C12orf50: variants seen among roughly 807,000 people sequenced by gnomAD.
C12orf50 encodes zinc finger CCCH-type containing 11D.
In C12orf50, 35 loss-of-function variants were observed where a neutral mutation model predicts 61.6. The ratio of observed to expected loss-of-function variants is 0.57; its 90% CI spans 0.43 to 0.75. The LOEUF (loss-of-function observed/expected upper bound fraction) is 0.75. C12orf50 is among the 30% of genes least tolerant of loss of function. C12orf50 has a pLI of 0.00. For synonymous variants in C12orf50, 178 were observed against 161.5 expected, an observed-to-expected ratio of 1.10 and a Z score of -0.77; for missense variants, 475 against 488.5, an observed-to-expected ratio of 0.97 and a Z score of 0.26.
chr12:87,994,024 A>AC (rs1196770289), intron 7 of C12orf50, among the ~76,000 whole-genome samples: 4 of 152,010 alleles, frequency 2.6e-5, no homozygotes, highest in African/African-American at 9.7e-5. Context: ...ACATGGTGAA[A>AC]CCCCGTCTCT....
Position 87,996,654 on chromosome 12 carries a change from A to T in C12orf50, c.290-8T>A. Reference sequence around the variant, plus strand: ...TCCATAAACTAGAAGCATCTATAGGATATAGATTTTTTAAATTAAATTGTC... The same window carrying T: ...TCCATAAACTAGAAGCATCTATAGGTTATAGATTTTTTAAATTAAATTGTC... On this transcript the variant is annotated splice_region_variant and splice_polypyrimidine_tract_variant and intron_variant, in intron 4 of 12. Coordinates refer to ENST00000298699, the MANE Select transcript of C12orf50 (RefSeq NM_152589.3). 6.4e-7 allele frequency: 1 copy of T among 1,569,896 alleles called. No homozygotes were observed. Among genetic ancestry groups the T allele is most frequent in the Non-Finnish European group, 8.7e-7 (1 of 1,152,314 alleles).
chr12:87,983,391 T>TC, intron 11 of C12orf50, 196 bp from the exon 12 acceptor site: 1 of 343,742 alleles, frequency 2.9e-6, no homozygotes, highest in African/African-American at 2.5e-5. Flanking sequence ...TTTTTTTTTG[T>TC]TTTTTTTATT....
chr12:88,023,530 T>C (rs1251673978), intron 3 of C12orf50, among the ~76,000 whole-genome samples: 1 of 149,480 alleles, frequency 6.7e-6, no homozygotes, highest in Non-Finnish European at 1.5e-5. Flanking sequence ...TAGCCTGGCA[T>C]GGTGGCACGT....
chr12:87,990,616 T>A (rs2031073176), intron 7 of C12orf50, among the ~76,000 whole-genome samples: 1 of 152,142 alleles, frequency 6.6e-6, no homozygotes, highest in African/African-American at 2.4e-5. Flanking sequence ...TATGTTCACA[T>A]TCACCCTGGC....
chr12:88,030,131 TA>T, upstream of C12orf50: 1 of 165,372 alleles, frequency 6.0e-6, no homozygotes, highest in East Asian at 1.6e-4. Context: ...ATGCTGCTGA[TA>T]AAAGCATACC....
chr12:88,029,049 C>T lies in C12orf50; in HGVS notation c.-109+291G>A, dbSNP rs779790245. The T allele has an allele frequency of 1.2e-5, 15 of 1,244,744 alleles. No homozygotes were observed. In the South Asian group the frequency reaches 1.6e-4, roughly 13 times the overall value. The allele number at this position is 1,244,744 out of a possible 1,614,324, so 77.1% of individuals were successfully genotyped here. On this transcript the variant is annotated intron_variant, in intron 1 of 12. Coordinates refer to ENST00000298699, the MANE Select transcript of C12orf50 (RefSeq NM_152589.3). ...AAAGATTAAGCATGTGAAGTACTGT[C>T]AATTGTACAATATTTACCTTTATGC...
In C12orf50 at chr12:87,998,187, A is replaced by G. The variant is rs1229135081; in HGVS notation, c.137T>C (p.Ile46Thr). The change falls in exon 4 of 13, where the codon ATC becomes ACC. Residue 46 changes from isoleucine (I) to threonine (T), a missense_variant. By Grantham distance (89) the Ile-to-Thr change is moderately conservative (BLOSUM62 -1). Coordinates refer to ENST00000298699, the MANE Select transcript of C12orf50 (RefSeq NM_152589.3). The part of the protein sequence containing the change: ...NGLFLPPSSN[I>T]TLQKEIQEGI... The stretch of plus-strand genomic sequence containing the variant: ...TTCCTGAATTTCTTTCTGTAGTGTG[A>G]TATCTGCAGAGAAAATGCAACATTT... The G allele has an allele frequency of 2.5e-6, 4 of 1,610,354 alleles. No homozygotes were observed. Among genetic ancestry groups the G allele is most frequent in the South Asian group, 2.2e-5 (2 of 90,536 alleles).
At chr12:88,029,051 A>ATTT in intron 1 of C12orf50, 1 of 1,249,794 alleles carries the variant, frequency 8.0e-7, no homozygotes, top group Non-Finnish European at 1.0e-6. Flanking sequence ...AGTACTGTCA[A>ATTT]TTGTACAATA....
At chr12:88,000,067 T>C (rs2031588955) in intron 3 of C12orf50, among the ~76,000 whole-genome samples, 1 of 152,104 alleles carries the variant, frequency 6.6e-6, no homozygotes, top group Non-Finnish European at 1.5e-5. Flanking sequence ...TGTGAGTTTG[T>C]TTTTTGGAGT....
intron 3 of C12orf50, among the ~76,000 whole-genome samples, chr12:88,011,693 A>C (rs575563764): frequency 3.0e-4 from 46 of 152,288 alleles, no homozygotes; most frequent in African/African-American, 1.1e-3. Flanking sequence ...ATATTTGCCT[A>C]TTCTGCTTCC....
At chr12:88,005,792 C>A (rs565703325) in intron 3 of C12orf50, among the ~76,000 whole-genome samples, 7 of 151,444 alleles carry the variant, frequency 4.6e-5, no homozygotes, top group Non-Finnish European at 8.8e-5. Context: ...CCAGTAGTTA[C>A]CTGCAAGGTG....
At chr12:88,029,085 A>T (rs1430385520) in intron 1 of C12orf50, 2 of 1,286,344 alleles carry the variant, frequency 1.6e-6, no homozygotes, top group African/African-American at 3.0e-5. Flanking sequence ...ATGTGGAATT[A>T]AAAAAGAAAT....
At chr12:87,986,284 A>T in intron 10 of C12orf50, 28 bp downstream of exon 10, 1 of 1,453,732 alleles carries the variant, frequency 6.9e-7, no homozygotes. Flanking sequence ...ATTACAATTT[A>T]GAAATATCAA....
At chr12:87,980,661 G>A (rs1005845839) in intron 12 of C12orf50, among the ~76,000 whole-genome samples, 1 of 152,052 alleles carries the variant, frequency 6.6e-6, no homozygotes, top group Non-Finnish European at 1.5e-5. Flanking sequence ...ACCTTCACTC[G>A]CACCAGCAAT....
At chr12:87,982,265 G>C (rs2030521512) in intron 12 of C12orf50, among the ~76,000 whole-genome samples, 1 of 152,078 alleles carries the variant, frequency 6.6e-6, no homozygotes, top group African/African-American at 2.4e-5. Context: ...AAAGTTAAAA[G>C]AAAGTATGAT....
rs551955368 is a variant in C12orf50 at position 87,980,309 on chromosome 12, T to A, written c.*22A>T. ...GATGTCTGGCAATTTTTTCTCATTT[T>A]TCTCTCTCTCAACCTCCAGGTTTAC... is the stretch of plus-strand genomic sequence containing the variant. On this transcript the variant is annotated 3_prime_UTR_variant, in exon 13 of 13. Coordinates refer to ENST00000298699, the MANE Select transcript of C12orf50 (RefSeq NM_152589.3). 8.7e-6 allele frequency: 14 copies of A among 1,604,588 alleles called. No individual in the cohort carries two copies. Among genetic ancestry groups the A allele is most frequent in the Non-Finnish European group, 1.2e-5 (14 of 1,174,420 alleles).
rs552330714 is a variant in C12orf50 at position 88,000,580 on chromosome 12, G to C, written c.134-2390C>G. Among the ~76,000 whole-genome samples the C allele has an allele frequency of 1.2e-3, 175 of 151,372 alleles. 1 individual carries two copies. Among genetic ancestry groups the C allele is most frequent in the South Asian group, 4.6e-3 (22 of 4,790 alleles). On this transcript the variant is annotated intron_variant, in intron 3 of 12. Transcript: ENST00000298699. ...ATCAGCTTCTCAATTTCTGCAAATA[G>C]GTCCATTGGGATTTTGATAAATTCT...
intron 3 of C12orf50, among the ~76,000 whole-genome samples, chr12:88,023,086 A>G (rs1029510077): frequency 2.0e-5 from 3 of 152,230 alleles, no homozygotes; most frequent in Admixed American, 6.5e-5. Context: ...GGGAGGCATC[A>G]TGTTACCCAA....
At chr12:88,005,790 T>A (rs979716217) in intron 3 of C12orf50, among the ~76,000 whole-genome samples, 1 of 151,694 alleles carries the variant, frequency 6.6e-6, no homozygotes, top group Non-Finnish European at 1.5e-5. Flanking sequence ...GCCCAGTAGT[T>A]ACCTGCAAGG....
Sources: gnomAD v4.1 joint callset for allele counts (sites outside exome capture counted in the v4.1 genomes callset) on GRCh38, gnomAD v4.1.1 for gene constraint, MANE v1.5 for transcripts, NCBI Gene and HGNC (gene_info 2026-07-23, HGNC 2026-07-21) for gene names.